Variants in ZFAND3 observed in about 807,000 individuals in gnomAD.
ZFAND3 encodes AN1-type zinc finger protein 3.
A neutral mutation model predicts 29.6 loss-of-function variants in ZFAND3; 10 were observed. The observed-to-expected ratio is 0.34, with a 90% CI of 0.21 to 0.57. ZFAND3 has a LOEUF of 0.57. Ranked by LOEUF, ZFAND3 falls within the 20% of genes least tolerant of loss-of-function variation. The pLI, the probability that ZFAND3 is intolerant of heterozygous loss-of-function variation, is 0.86. For missense variants in ZFAND3, 230 were observed against 304.5 expected, an observed-to-expected ratio of 0.76 and a Z score of 1.82; for synonymous variants, 128 against 112.6, an observed-to-expected ratio of 1.14 and a Z score of -0.87.
chr6:38,024,275 A>G (rs1763404294), intron 2 of ZFAND3, among the ~76,000 whole-genome samples: 5 of 151,958 alleles, frequency 3.3e-5, no homozygotes, highest in Admixed American at 3.3e-4. Context: ...GATCAAGACC[A>G]TCCTGGCTAA....
chr6:37,824,926 A>G (rs1049536168), intron 1 of ZFAND3, among the ~76,000 whole-genome samples: 6 of 152,236 alleles, frequency 3.9e-5, no homozygotes, highest in Non-Finnish European at 7.3e-5. Flanking sequence ...TCATTTCTGA[A>G]ATCGGTAATA....
chr6:38,041,631 T>TTCTTCTTCTTC (rs1561976605), intron 2 of ZFAND3, among the ~76,000 whole-genome samples: 8 of 56,246 alleles, frequency 1.4e-4, no homozygotes, highest in African/African-American at 3.3e-4. Context: ...TTATCTACTT[T>TTCTTCTTCTTC]TTCTTCTTCT....
chr6:37,920,754 C>T (rs934076042), intron 1 of ZFAND3, among the ~76,000 whole-genome samples: 3 of 152,198 alleles, frequency 2.0e-5, no homozygotes, highest in Non-Finnish European at 4.4e-5. Flanking sequence ...CAGACATGGT[C>T]TGAATGATTT....
chr6:38,110,099 G>C (rs979639446), intron 4 of ZFAND3, among the ~76,000 whole-genome samples: 2 of 152,126 alleles, frequency 1.3e-5, no homozygotes, highest in Non-Finnish European at 2.9e-5. Flanking sequence ...CTAGGACATG[G>C]CATCCTAGGA....
chr6:37,903,735 A>G (rs1235439083), intron 1 of ZFAND3, among the ~76,000 whole-genome samples: 1 of 152,216 alleles, frequency 6.6e-6, no homozygotes, highest in African/African-American at 2.4e-5. Flanking sequence ...AAAATTTTAA[A>G]CGTGCAATTC....
intron 4 of ZFAND3, among the ~76,000 whole-genome samples, chr6:38,105,193 C>CT (rs1379854205): frequency 6.6e-6 from 1 of 152,124 alleles, no homozygotes; most frequent in Non-Finnish European, 1.5e-5. Flanking sequence ...GGAAGCTTAA[C>CT]TTTAAGGAAT....
chr6:37,931,556 CAAAA>C (rs536739759), intron 2 of ZFAND3, among the ~76,000 whole-genome samples: 1 of 136,222 alleles, frequency 7.3e-6, no homozygotes, highest in African/African-American at 2.7e-5. Flanking sequence ...AAAAAAAAAA[CAAAA>C]AAAAAACCAA....
At chr6:38,033,506 G>A (rs1763601164) in intron 2 of ZFAND3, among the ~76,000 whole-genome samples, 1 of 152,076 alleles carries the variant, frequency 6.6e-6, no homozygotes, top group Non-Finnish European at 1.5e-5. Flanking sequence ...GGAATGGCCT[G>A]CAGGCTGCTT....
chr6:38,028,108 C>T (rs1763483111), intron 2 of ZFAND3, among the ~76,000 whole-genome samples: 1 of 152,148 alleles, frequency 6.6e-6, no homozygotes, highest in Admixed American at 6.5e-5. Flanking sequence ...CATAAGTCTC[C>T]CTTCAGCCAG....
At chr6:37,860,272 A>T (rs1043397445) in intron 1 of ZFAND3, among the ~76,000 whole-genome samples, 1 of 151,080 alleles carries the variant, frequency 6.6e-6, no homozygotes. Context: ...AGTAAAGAGG[A>T]ATAATATTAT....
chr6:37,850,535 T>C (rs553684913), intron 1 of ZFAND3, among the ~76,000 whole-genome samples: 1 of 152,262 alleles, frequency 6.6e-6, no homozygotes, highest in South Asian at 2.1e-4. Flanking sequence ...TACTGTACCA[T>C]TGCTATGTTT....
At chr6:38,064,849 T>C (rs1338839160) in intron 3 of ZFAND3, among the ~76,000 whole-genome samples, 1 of 152,150 alleles carries the variant, frequency 6.6e-6, no homozygotes, top group Non-Finnish European at 1.5e-5. Flanking sequence ...TTTCTACAGA[T>C]CTAGGGAAAT....
intron 4 of ZFAND3, among the ~76,000 whole-genome samples, chr6:38,087,968 A>G (rs965085799): frequency 6.6e-6 from 1 of 152,244 alleles, no homozygotes; most frequent in African/African-American, 2.4e-5. Flanking sequence ...GGAAGTTTAT[A>G]TGATATTTTA....
chr6:37,885,869 A>G (rs1764980057), intron 1 of ZFAND3, among the ~76,000 whole-genome samples: 1 of 151,936 alleles, frequency 6.6e-6, no homozygotes, highest in South Asian at 2.1e-4. Flanking sequence ...CAGCCTCCCA[A>G]AGTGCTGGGA....
chr6:37,961,035 A>G (rs1762185763), intron 2 of ZFAND3, among the ~76,000 whole-genome samples: 1 of 152,178 alleles, frequency 6.6e-6, no homozygotes, highest in South Asian at 2.1e-4. Context: ...TGATTGCAGT[A>G]CTACATTCAG....
Position 38,106,528 on chromosome 6 carries a change from A to G in ZFAND3, c.362-10044A>G, listed in dbSNP as rs893567261. Among the ~76,000 whole-genome samples the G allele has an allele frequency of 2.0e-5, 3 of 152,244 alleles. No homozygotes were observed. In the East Asian group the frequency reaches 5.8e-4, roughly 29 times the overall value. ...GGTATGAGCTAAAAATCATCTGTCT[A>G]CATGCCTGGAAATATAGTAATTAAA... On this transcript the variant is annotated intron_variant, in intron 4 of 5. Transcript: ENST00000287218.
rs573700279 is a variant in ZFAND3 at position 38,008,806 on chromosome 6, G to A, written c.113-52787G>A. Among the ~76,000 whole-genome samples, 4 of 152,090 alleles carry A rather than the reference G, an allele frequency of 2.6e-5. No individual in the cohort carries two copies. The South Asian group carries it at 8.3e-4, about 32-fold the overall frequency. ...AGTACTGAAAGACAATGGCTCACTT[G>A]TAAGACCTAGTTGAAGAGTACAGAT... On this transcript the variant is annotated intron_variant, in intron 2 of 5. Coordinates refer to ENST00000287218, the MANE Select transcript of ZFAND3 (RefSeq NM_021943.3).
chr6:38,026,878 T>C (rs1763461563), intron 2 of ZFAND3, among the ~76,000 whole-genome samples: 1 of 152,104 alleles, frequency 6.6e-6, no homozygotes, highest in Admixed American at 6.5e-5. Context: ...TTTAGTTTTA[T>C]TTCCTGCCTG....
intron 1 of ZFAND3, among the ~76,000 whole-genome samples, chr6:37,901,040 A>T (rs747210663): frequency 6.6e-6 from 1 of 151,960 alleles, no homozygotes; most frequent in Non-Finnish European, 1.5e-5. Context: ...TTTTTTTAAC[A>T]TGCAGTATGT....
Sources: allele counts gnomAD v4.1 joint callset (sites outside exome capture counted in the v4.1 genomes callset), GRCh38; gene constraint gnomAD v4.1.1; transcripts MANE v1.5; gene names NCBI Gene and HGNC (gene_info 2026-07-23, HGNC 2026-07-21).